FANCB: variants seen among roughly 807,000 people sequenced by gnomAD.
FANCB encodes FA complementation group B.
Under a neutral mutation model 38.9 loss-of-function variants are expected in FANCB, and 5 were observed. The ratio of observed to expected loss-of-function variants is 0.13; its 90% CI spans 0.07 to 0.27. The LOEUF (loss-of-function observed/expected upper bound fraction) is 0.27. Ranked by LOEUF, FANCB falls within the 10% of genes least tolerant of loss-of-function variation. The pLI is 1.00. For missense variants in FANCB, 573 were observed against 602.7 expected (o/e 0.95, Z 0.52); for synonymous variants, 236 against 215.4 (o/e 1.10, Z -0.84).
the FANCB span, among the ~76,000 whole-genome samples, chrX:14,714,393 T>C: frequency 1.8e-5 from 2 of 111,440 alleles, no homozygotes; most frequent in African/African-American, 6.5e-5. Flanking sequence ...CAAATAATTA[T>C]CTAGCCCCAA....
chrX:14,748,737 A>G, the FANCB span, among the ~76,000 whole-genome samples: 1 of 105,558 alleles, frequency 9.5e-6, no homozygotes, highest in Non-Finnish European at 1.9e-5. Flanking sequence ...AATTTAGAGC[A>G]TCACTATCCG....
chrX:14,799,401 G>A, the FANCB span, among the ~76,000 whole-genome samples: 3 of 112,118 alleles, frequency 2.7e-5, no homozygotes, highest in African/African-American at 6.5e-5. Flanking sequence ...GTATCATTAA[G>A]ATATACAGAT....
the FANCB span, among the ~76,000 whole-genome samples, chrX:14,740,699 A>C: frequency 7.2e-5 from 8 of 111,787 alleles, no homozygotes. Flanking sequence ...AGCAGGTGGC[A>C]GACCAGATTT....
the FANCB span, among the ~76,000 whole-genome samples, chrX:14,804,333 A>T: frequency 8.9e-6 from 1 of 112,176 alleles, no homozygotes; most frequent in Non-Finnish European, 1.9e-5. Flanking sequence ...TGTCCTTTGT[A>T]GGGACAAGGA....
chrX:14,793,458 C>T, the FANCB span, among the ~76,000 whole-genome samples: 3 of 111,928 alleles, frequency 2.7e-5, no homozygotes. Flanking sequence ...GTAATGGCTG[C>T]ACAACTCTGT....
the FANCB span, chrX:14,690,691 GTCTCTC>G: frequency 1.1e-6 from 1 of 926,714 alleles, no homozygotes; most frequent in Non-Finnish European, 1.5e-6. Context: ...GTGTGTGTGT[GTCTCTC>G]TCTCTCTCTC....
At chrX:14,691,271 CTGTGTGTG>C in the FANCB span, among the ~76,000 whole-genome samples, 11,435 of 84,930 alleles carry the variant, frequency 0.13, 660 homozygotes, top group East Asian at 0.15. Flanking sequence ...TAAATATTGA[CTGTGTGTG>C]TGTGTGTGTG....
intron 3 of FANCB, among the ~76,000 whole-genome samples, chrX:14,864,084 G>A (rs987112363): frequency 1.4e-4 from 16 of 110,838 alleles, no homozygotes; most frequent in Admixed American, 9.6e-5. Flanking sequence ...GCAGTGAGCC[G>A]AGATCACGCC....
the FANCB span, among the ~76,000 whole-genome samples, chrX:14,760,289 A>ATC: frequency 7.1e-5 from 8 of 112,454 alleles, no homozygotes; most frequent in Admixed American, 7.5e-4. Flanking sequence ...TAAATGGAAT[A>ATC]AACCAGGCAC....
the FANCB span, among the ~76,000 whole-genome samples, chrX:14,820,692 A>G: frequency 3.6e-5 from 4 of 112,044 alleles, no homozygotes; most frequent in Non-Finnish European, 5.6e-5. Flanking sequence ...TTACCTTCTT[A>G]AAGTTTAAAT....
chrX:14,773,196 G>A, the FANCB span, among the ~76,000 whole-genome samples: 2 of 112,418 alleles, frequency 1.8e-5, no homozygotes, highest in East Asian at 5.6e-4. Flanking sequence ...AATTTATAAG[G>A]AGATTTTTAA....
At chrX:14,835,297 T>C, downstream of FANCB, 1 of 503,510 alleles carries the variant, frequency 2.0e-6, no homozygotes, top group East Asian at 4.3e-5. Flanking sequence ...AGGGGGCTCA[T>C]GTCCATGTCC....
the FANCB span, among the ~76,000 whole-genome samples, chrX:14,718,176 TAAG>T: frequency 9.0e-6 from 1 of 111,227 alleles, no homozygotes; most frequent in Non-Finnish European, 1.9e-5. Flanking sequence ...CTCAAGTGAC[TAAG>T]ATAAGATACA....
intron 7 of FANCB, among the ~76,000 whole-genome samples, chrX:14,849,423 C>T (rs2092391435): frequency 8.9e-6 from 1 of 111,810 alleles, no homozygotes; most frequent in Non-Finnish European, 1.9e-5. Flanking sequence ...TGTTAAGCTG[C>T]TCAAATATAC....
chrX:14,835,311 G>A (rs752749127), downstream of FANCB: 47 of 481,286 alleles, frequency 9.8e-5, no homozygotes, highest in South Asian at 9.5e-4. Context: ...CATGTCCATC[G>A]AATCTTCCAT....
the FANCB span, among the ~76,000 whole-genome samples, chrX:14,779,060 G>A: frequency 1.3e-4 from 15 of 111,701 alleles, no homozygotes; most frequent in Admixed American, 1.2e-3. Context: ...GAGTATAAAA[G>A]TCCAACTCCT....
chrX:14,858,858 C>G lies in FANCB; in HGVS notation c.1104+324G>C, dbSNP rs141763528. On this transcript the variant is annotated intron_variant, in intron 4 of 9. Coordinates refer to ENST00000650831, the MANE Select transcript of FANCB (RefSeq NM_001018113.3). The stretch of plus-strand genomic sequence containing the variant: ...AAAGCAATTTTGCTTCATTTTATTC[C>G]TTATTTAATCCAATATTATATTTAT... Among the ~76,000 whole-genome samples the G allele has an allele frequency of 7.4e-3, 824 of 111,258 alleles. 10 individuals are homozygous for G. The highest frequency in any genetic ancestry group is 0.025 in the African/African-American group (778 of 30,638).
chrX:14,740,022 A>G, the FANCB span, among the ~76,000 whole-genome samples: 2 of 111,531 alleles, frequency 1.8e-5, no homozygotes, highest in Non-Finnish European at 3.8e-5. Context: ...CTGCTCATGG[A>G]ACAGACAATT....
chrX:14,837,272 G>C (rs2092343714), intron 10 of FANCB, among the ~76,000 whole-genome samples: 1 of 112,233 alleles, frequency 8.9e-6, no homozygotes, highest in Non-Finnish European at 1.9e-5. Context: ...GGAATCCCAA[G>C]CCCTCAACTG....
Sources: allele counts gnomAD v4.1 joint callset (sites outside exome capture counted in the v4.1 genomes callset), GRCh38; gene constraint gnomAD v4.1.1; transcripts MANE v1.5; gene names NCBI Gene and HGNC (gene_info 2026-07-23, HGNC 2026-07-21).